ASCC3: variants seen among roughly 807,000 people sequenced by gnomAD.
ASCC3 encodes ASC-1 complex subunit P200.
A neutral mutation model predicts 256.3 loss-of-function variants in ASCC3; 158 were observed. The ratio of observed to expected loss-of-function variants is 0.62; its 90% CI spans 0.54 to 0.70. The LOEUF is 0.70. Among genes scored for constraint, ASCC3 ranks in the 30% least tolerant of loss-of-function variants. The pLI is 0.00. For missense variants in ASCC3, 2,259 were observed against 2,626.0 expected, an observed-to-expected ratio of 0.86 and a Z score of 3.05; for synonymous variants, 948 against 883.4, an observed-to-expected ratio of 1.07 and a Z score of -1.30.
At chr6:100,851,414 A>AT (rs1772661572) in intron 3 of ASCC3, among the ~76,000 whole-genome samples, 1 of 152,246 alleles carries the variant, frequency 6.6e-6, no homozygotes, top group Non-Finnish European at 1.5e-5. Flanking sequence ...AGCCATATAC[A>AT]TTCACTAAAT....
chr6:100,661,710 A>T, intron 16 of ASCC3, 96 bp downstream of exon 16: 1 of 1,272,762 alleles, frequency 7.9e-7, no homozygotes, highest in East Asian at 2.3e-5. Context: ...CTGTAATCCT[A>T]AACACTACAA....
chr6:100,873,236 C>G (rs2114568070), intron 1 of ASCC3, among the ~76,000 whole-genome samples: 1 of 152,108 alleles, frequency 6.6e-6, no homozygotes, highest in East Asian at 1.9e-4. Flanking sequence ...AATGCAAAAT[C>G]CTCTGGAAAG....
intron 37 of ASCC3, among the ~76,000 whole-genome samples, chr6:100,536,486 A>T (rs1775168775): frequency 6.6e-6 from 1 of 152,094 alleles, no homozygotes; most frequent in South Asian, 2.1e-4. Flanking sequence ...AAGCACCCAG[A>T]TTTTCTATTT....
At chr6:100,580,955 C>A (rs1771206602) in intron 36 of ASCC3, among the ~76,000 whole-genome samples, 1 of 152,082 alleles carries the variant, frequency 6.6e-6, no homozygotes, top group Non-Finnish European at 1.5e-5. Context: ...TGTATATGTG[C>A]CACATTTTCT....
intron 14 of ASCC3, among the ~76,000 whole-genome samples, chr6:100,665,962 T>C (rs1454605849): frequency 6.6e-6 from 1 of 152,132 alleles, no homozygotes; most frequent in African/African-American, 2.4e-5. Flanking sequence ...CCTCATGCTA[T>C]TTCTTTATAG....
chr6:100,795,166 GT>G (rs899049869), intron 8 of ASCC3, among the ~76,000 whole-genome samples: 2 of 151,780 alleles, frequency 1.3e-5, no homozygotes, highest in African/African-American at 4.8e-5. Context: ...ATCCTAGGAG[GT>G]TTTTTTGTTT....
At chr6:100,512,685 G>A (rs1279348420) in intron 40 of ASCC3, 24 bp downstream of exon 40, 2 of 1,609,218 alleles carry the variant, frequency 1.2e-6, no homozygotes, top group African/African-American at 2.7e-5. Context: ...TGAAATATTT[G>A]AGAATGGAAA....
rs1236743589 is a variant in ASCC3, at chr6:100,607,692, T to A, written c.4786-604A>T. 2.6e-5 allele frequency among the ~76,000 whole-genome samples: 4 copies of A among 151,946 alleles called. No individual in the cohort carries two copies. In the South Asian group the frequency reaches 6.2e-4, roughly 24 times the overall value. On this transcript the variant is annotated intron_variant, in intron 30 of 41. Transcript: ENST00000369162. ...AGTAAATACTATTATTCATCCTATA[T>A]GTAAATTTAGTAATGATAAAAGGAT...
In ASCC3 at chr6:100,558,822, C is replaced by T. The variant is rs72939359; in HGVS notation, c.5551-18435G>A. ...TGCTTGCTTTCATTCCATATTATGT[C>T]CTCTGGCTATTTTATCATGATGAGA... On this transcript the variant is annotated intron_variant, in intron 36 of 41. Coordinates refer to ENST00000369162, the MANE Select transcript of ASCC3 (RefSeq NM_006828.4). Among the ~76,000 whole-genome samples, 690 of 152,256 alleles carry T rather than the reference C, an allele frequency of 4.5e-3. 6 individuals carry two copies. The highest frequency in any genetic ancestry group is 8.2e-3 in the Non-Finnish European group (555 of 68,002).
At chr6:100,737,101 T>C in intron 10 of ASCC3, among the ~76,000 whole-genome samples, 1 of 150,758 alleles carries the variant, frequency 6.6e-6, no homozygotes, top group Non-Finnish European at 1.5e-5. Flanking sequence ...GAGCCGAGAT[T>C]GCACCACTGC....
At chr6:100,587,243 G>C (rs1183792903) in intron 36 of ASCC3, among the ~76,000 whole-genome samples, 1 of 151,820 alleles carries the variant, frequency 6.6e-6, no homozygotes, top group Non-Finnish European at 1.5e-5. Flanking sequence ...TGCATTTTTG[G>C]AGGCAAGAGT....
At chr6:100,687,601 T>C (rs1298784659) in intron 13 of ASCC3, among the ~76,000 whole-genome samples, 1 of 152,124 alleles carries the variant, frequency 6.6e-6, no homozygotes, top group Non-Finnish European at 1.5e-5. Context: ...GTTATAATAA[T>C]ATATTCATAA....
chr6:100,757,848 T>C (rs1781252663), intron 10 of ASCC3, among the ~76,000 whole-genome samples: 1 of 152,094 alleles, frequency 6.6e-6, no homozygotes, highest in Non-Finnish European at 1.5e-5. Context: ...AGAAAGTCAA[T>C]GGGTGCAGAA....
intron 4 of ASCC3, among the ~76,000 whole-genome samples, chr6:100,842,439 G>C (rs1264054212): frequency 1.3e-5 from 2 of 152,146 alleles, no homozygotes; most frequent in Non-Finnish European, 2.9e-5. Flanking sequence ...TCTCATGAGT[G>C]TAATGTAGTG....
chr6:100,562,230 C>T (rs1464736346), intron 36 of ASCC3, among the ~76,000 whole-genome samples: 1 of 151,952 alleles, frequency 6.6e-6, no homozygotes, highest in East Asian at 1.9e-4. Context: ...AAGACCATTT[C>T]CATGTATTTT....
At chr6:100,853,416 AT>A (rs200181320) in intron 3 of ASCC3, among the ~76,000 whole-genome samples, 27,985 of 138,304 alleles carry the variant, frequency 0.2, 2,873 homozygotes, top group Middle Eastern at 0.29. Flanking sequence ...ATTGATAAAT[AT>A]TCCTTTTTTT....
chr6:100,606,655 T>G (rs182314768), intron 32 of ASCC3, 85 bp downstream of exon 32: 1 of 1,423,564 alleles, frequency 7.0e-7, no homozygotes, highest in Admixed American at 2.3e-5. Context: ...GTTTAATTGG[T>G]GGAAATTCAA....
chr6:100,825,273 A>ATTT (rs71028036), intron 4 of ASCC3, among the ~76,000 whole-genome samples: 8 of 141,356 alleles, frequency 5.7e-5, no homozygotes, highest in African/African-American at 7.9e-5. Flanking sequence ...TTCTTTTGTG[A>ATTT]TTTTTTTTTT....
intron 11 of ASCC3, among the ~76,000 whole-genome samples, chr6:100,723,904 T>TTATATATATGACACATATATATAATATA (rs1779488416): frequency 7.7e-6 from 1 of 130,532 alleles, no homozygotes; most frequent in Admixed American, 8.3e-5. Flanking sequence ...ATATTTATAA[T>TTATATATATGACACATATATATAATATA]TATATATATG....
Sources: gnomAD v4.1 joint callset for allele counts (sites outside exome capture counted in the v4.1 genomes callset) on GRCh38, gnomAD v4.1.1 for gene constraint, MANE v1.5 for transcripts, NCBI Gene and HGNC (gene_info 2026-07-23, HGNC 2026-07-21) for gene names.